GRIP1: variants seen among roughly 807,000 people sequenced by gnomAD.
The protein encoded by GRIP1 is glutamate receptor interacting protein 1.
A neutral mutation model predicts 129.9 loss-of-function variants in GRIP1; 45 were observed. The ratio of observed to expected loss-of-function variants is 0.35; its 90% CI spans 0.27 to 0.44. The LOEUF is 0.44. GRIP1 is among the 20% of genes least tolerant of loss of function. The pLI is 1.00. For missense variants in GRIP1, 1,196 were observed against 1,396.8 expected, an observed-to-expected ratio of 0.86 and a Z score of 2.29; for synonymous variants, 530 against 520.8, an observed-to-expected ratio of 1.02 and a Z score of -0.24.
chr12:66,472,011 C>T (rs2059452546), intron 7 of GRIP1, among the ~76,000 whole-genome samples: 1 of 152,166 alleles, frequency 6.6e-6, no homozygotes, highest in South Asian at 2.1e-4. Context: ...AGGAAGTCCC[C>T]TGTGATAAGG....
intron 1 of GRIP1, among the ~76,000 whole-genome samples, chr12:66,987,536 C>A (rs1373342609): frequency 6.6e-6 from 1 of 152,136 alleles, no homozygotes; most frequent in Non-Finnish European, 1.5e-5. Context: ...TCTCCCCTTA[C>A]AAATGTAAAG....
intron 14 of GRIP1, among the ~76,000 whole-genome samples, chr12:66,422,113 T>C (rs2057823096): frequency 1.3e-5 from 2 of 152,268 alleles, no homozygotes; most frequent in Middle Eastern, 3.4e-3. Context: ...ATAATAATCA[T>C]AGAGCCATAT....
chr12:66,970,675 T>C (rs186245857), intron 1 of GRIP1, among the ~76,000 whole-genome samples: 1 of 152,132 alleles, frequency 6.6e-6, no homozygotes, highest in Admixed American at 6.5e-5. Flanking sequence ...GGAGCCCTGT[T>C]GCTGTGGTGG....
chr12:66,902,639 C>T (rs1460645212), intron 1 of GRIP1, among the ~76,000 whole-genome samples: 1 of 152,164 alleles, frequency 6.6e-6, no homozygotes, highest in Non-Finnish European at 1.5e-5. Flanking sequence ...AAAAGAGATA[C>T]AGGGAGAGAT....
At chr12:66,942,790 G>A (rs1235350819) in intron 1 of GRIP1, among the ~76,000 whole-genome samples, 1 of 152,190 alleles carries the variant, frequency 6.6e-6, no homozygotes, top group Non-Finnish European at 1.5e-5. Context: ...AGGAGGCGGA[G>A]CTTTTGGGAG....
chr12:66,380,377 C>T (rs759149105), intron 19 of GRIP1, among the ~76,000 whole-genome samples: 12 of 152,306 alleles, frequency 7.9e-5, no homozygotes, highest in Admixed American at 2.0e-4. Context: ...CTCTCTTGTC[C>T]ATCTCTCATG....
At chr12:66,578,231 G>GTTTTTTTTTTTTTT (rs1462512737) in intron 2 of GRIP1, among the ~76,000 whole-genome samples, 1,208 of 31,300 alleles carry the variant, frequency 0.039, 27 homozygotes, top group Non-Finnish European at 0.057. Flanking sequence ...GCAAAACCGC[G>GTTTTTTTTTTTTTT]GTTTTTTTTT....
At chr12:66,790,833 A>G (rs7135857) in intron 1 of GRIP1, among the ~76,000 whole-genome samples, 2 of 152,010 alleles carry the variant, frequency 1.3e-5, no homozygotes, top group Non-Finnish European at 2.9e-5. Context: ...GGAGGCGGAG[A>G]TAGCCCAGGA....
At chr12:66,505,351 G>A (rs2060499181) in intron 7 of GRIP1, among the ~76,000 whole-genome samples, 1 of 152,174 alleles carries the variant, frequency 6.6e-6, no homozygotes, top group African/African-American at 2.4e-5. Context: ...AGACAGCAAG[G>A]AAATGAGGAC....
chr12:67,047,870 G>C (rs1209557333), intron 1 of GRIP1, among the ~76,000 whole-genome samples: 1 of 152,142 alleles, frequency 6.6e-6, no homozygotes, highest in Admixed American at 6.6e-5. Context: ...TTTCTCCAAA[G>C]CACTACCTGT....
intron 1 of GRIP1, among the ~76,000 whole-genome samples, chr12:66,977,332 A>C (rs1312603459): frequency 6.6e-6 from 1 of 152,006 alleles, no homozygotes; most frequent in Non-Finnish European, 1.5e-5. Context: ...TCTAGAACTG[A>C]CTATAAATTT....
intron 1 of GRIP1, among the ~76,000 whole-genome samples, chr12:66,940,519 A>T (rs1361929123): frequency 1.3e-5 from 2 of 152,188 alleles, no homozygotes; most frequent in Non-Finnish European, 2.9e-5. Context: ...TAAAGGTGGC[A>T]GTGCATCAGT....
Position 66,679,023 on chromosome 12 carries a change from A to C in GRIP1, c.-119T>G, listed in dbSNP as rs2034470956. 2 of 1,570,210 alleles carry C rather than the reference A, an allele frequency of 1.3e-6. No homozygotes were observed. The highest frequency in any genetic ancestry group is 2.3e-5 in the South Asian group (2 of 86,618). On this transcript the variant is annotated 5_prime_UTR_variant, in exon 1 of 25. Coordinates refer to ENST00000359742, the MANE Select transcript of GRIP1 (RefSeq NM_001366722.1). ...CAGGAGAAAGGTAGTCCCAGTGGGG[A>C]GTGACAAAGCTTAATTCCTCTTGGC...
At chr12:66,545,458 C>T (rs1045003485) in intron 2 of GRIP1, among the ~76,000 whole-genome samples, 1 of 152,166 alleles carries the variant, frequency 6.6e-6, no homozygotes, top group Admixed American at 6.5e-5. Flanking sequence ...AGACAAACAA[C>T]AGCCAGTAAA....
chr12:66,814,589 TAA>T lies in GRIP1; in HGVS notation c.59-217664_59-217663del, dbSNP rs79461500. Among the ~76,000 whole-genome samples the T allele has an allele frequency of 1.2e-3, 134 of 108,368 alleles. 1 individual carries two copies. Among genetic ancestry groups the T allele is most frequent in the Middle Eastern group, 9.6e-3 (2 of 208 alleles). The allele number at this position is 108,368 out of a possible 152,430, so 71.1% of individuals were successfully genotyped here. On this transcript the variant is annotated intron_variant, in intron 1 of 1. Transcript: ENST00000643019. ...GCTGCACTAAGTACTAGTGATACCA[TAA>T]AAAAAAAAAAAAAAAGCAATGACCA...
At chr12:66,430,235 G>A (rs2058107921) in intron 14 of GRIP1, among the ~76,000 whole-genome samples, 2 of 152,124 alleles carry the variant, frequency 1.3e-5, no homozygotes, top group South Asian at 4.1e-4. Flanking sequence ...AGCAAAGTCT[G>A]CTTTGTCATC....
At chr12:66,596,950 T>C in intron 1 of GRIP1, 23 bp from the exon 2 acceptor site, 5 of 1,522,034 alleles carry the variant, frequency 3.3e-6, no homozygotes, top group Non-Finnish European at 4.6e-6. Flanking sequence ...AATGAAGCGT[T>C]TGGTTAATTT....
At chr12:66,424,599 T>A (rs2057920645) in intron 14 of GRIP1, among the ~76,000 whole-genome samples, 1 of 152,206 alleles carries the variant, frequency 6.6e-6, no homozygotes, top group African/African-American at 2.4e-5. Context: ...TGTCATAATT[T>A]TTGGTATTTA....
At chr12:66,788,569 G>GT (rs997777333) in intron 1 of GRIP1, among the ~76,000 whole-genome samples, 18 of 151,574 alleles carry the variant, frequency 1.2e-4, no homozygotes, top group Non-Finnish European at 1.5e-4. Flanking sequence ...AAAAAACTGT[G>GT]TTTTTTTTGT....
Sources: gnomAD v4.1 joint callset for allele counts (sites outside exome capture counted in the v4.1 genomes callset) on GRCh38, gnomAD v4.1.1 for gene constraint, MANE v1.5 for transcripts, NCBI Gene and HGNC (gene_info 2026-07-23, HGNC 2026-07-21) for gene names.